Variants in SUCO observed in about 807,000 individuals in gnomAD.
SUCO encodes the protein SUN domain containing ossification factor.
Under a neutral mutation model 148.1 loss-of-function variants are expected in SUCO, and 57 were observed. The observed-to-expected ratio is 0.38, with a 90% CI of 0.31 to 0.48. The LOEUF is 0.48. Ranked by LOEUF, SUCO falls within the 20% of genes least tolerant of loss-of-function variation. The probability of loss-of-function intolerance (pLI) is 0.96; values close to 1 mark genes in which losing one functional copy is unlikely to be tolerated. For missense variants in SUCO, 1,331 were observed against 1,468.2 expected (o/e 0.91, Z 1.53); for synonymous variants, 470 against 502.7 (o/e 0.93, Z 0.87).
intron 17 of SUCO, among the ~76,000 whole-genome samples, chr1:172,587,324 G>A (rs550681163): frequency 4.6e-5 from 7 of 152,066 alleles, no homozygotes; most frequent in Non-Finnish European, 7.4e-5. Context: ...TTAAAGTTAC[G>A]GAAAGCCAAC....
chr1:172,563,278 G>A (rs1654317445), intron 6 of SUCO, among the ~76,000 whole-genome samples: 1 of 152,172 alleles, frequency 6.6e-6, no homozygotes, highest in African/African-American at 2.4e-5. Flanking sequence ...AGTTTGGAGG[G>A]CTCAGAAGAC....
chr1:172,584,311 A>C, intron 15 of SUCO: 1 of 721,380 alleles, frequency 1.4e-6, no homozygotes, highest in Non-Finnish European at 1.7e-6. Context: ...TTAAAATTTT[A>C]AACTGTAGAG....
rs923490257 is a variant in SUCO at position 172,542,940 on chromosome 1, A to G, written c.63-8572A>G. The G allele has an allele frequency of 8.1e-6, 8 of 985,308 alleles. No individual in the cohort carries two copies. The South Asian group carries it at 3.8e-4, about 46-fold the overall frequency. 61.0% of individuals were successfully genotyped at this position (985,308 alleles called of 1,614,324 possible). A position where few individuals can be genotyped will look rare whatever the true frequency, so the allele number is the denominator to read the frequency against. ...ACTTTTCAAAAGAGGGAAGTGATTG[A>G]TAGCTTTTGGGAGTGGAGAATAATA... On this transcript the variant is annotated intron_variant, in intron 1 of 23. Coordinates refer to ENST00000263688, the MANE Select transcript of SUCO (RefSeq NM_014283.5).
intron 19 of SUCO, among the ~76,000 whole-genome samples, chr1:172,599,033 T>TATTTC: frequency 6.6e-6 from 1 of 152,220 alleles, no homozygotes; most frequent in Admixed American, 6.5e-5. Context: ...GCTATGTAGA[T>TATTTC]ATTTCATATA....
chr1:172,559,033 A>C (rs940333033), intron 6 of SUCO, among the ~76,000 whole-genome samples: 9 of 152,206 alleles, frequency 5.9e-5, no homozygotes, highest in African/African-American at 2.2e-4. Context: ...CATTATGAGT[A>C]ATAGCCAATA....
chr1:172,590,900 A>G (rs1378830591), intron 18 of SUCO, 84 bp from the exon 19 acceptor site: 2 of 915,596 alleles, frequency 2.2e-6, no homozygotes, highest in African/African-American at 1.7e-5. Flanking sequence ...TTTGTCTCAT[A>G]TATCAAAATC....
intron 6 of SUCO, among the ~76,000 whole-genome samples, chr1:172,561,625 T>C (rs1314796843): frequency 1.3e-5 from 2 of 152,042 alleles, no homozygotes; most frequent in African/African-American, 2.4e-5. Context: ...AGGTGTTTCC[T>C]AGGAGGTTGG....
At position 172,591,052 on chromosome 1, in the gene SUCO, C is replaced by A; in HGVS notation, c.2894C>A (p.Ser965Ter). The change falls in exon 19 of 24, where the codon TCA (serine) becomes TAA (stop). Residue 965 changes from serine to a stop codon, truncating the protein, a stop_gained. Coordinates refer to ENST00000263688, the MANE Select transcript of SUCO (RefSeq NM_014283.5). LOFTEE classifies it high-confidence loss of function. ...NKTIVKLQNT[S>*]RIAEEQDQRQ... Reference sequence around the variant, plus strand: ...ACAATCGTGAAACTTCAGAATACTTCAAGAATAGCAGAGGAGCAGGTTGGT... The same window carrying A: ...ACAATCGTGAAACTTCAGAATACTTAAAGAATAGCAGAGGAGCAGGTTGGT... 1 of 1,611,384 alleles carries A rather than the reference C, an allele frequency of 6.2e-7. No homozygotes were observed. Among genetic ancestry groups the A allele is most frequent in the Non-Finnish European group, 8.5e-7 (1 of 1,178,752 alleles).
intron 6 of SUCO, among the ~76,000 whole-genome samples, chr1:172,558,002 T>C (rs1653874192): frequency 6.6e-6 from 1 of 152,220 alleles, no homozygotes; most frequent in South Asian, 2.1e-4. Context: ...TTGTTTCAAG[T>C]GTGAACTCTC....
At chr1:172,568,602 A>G (rs910251912) in intron 6 of SUCO, 8 of 216,396 alleles carry the variant, frequency 3.7e-5, no homozygotes, top group African/African-American at 1.6e-4. Flanking sequence ...TTTCTTTTTA[A>G]GGATATTGTG....
intron 10 of SUCO, 30 bp from the exon 11 acceptor site, chr1:172,575,488 A>T (rs964412604): frequency 1.3e-5 from 19 of 1,484,816 alleles, no homozygotes; most frequent in Non-Finnish European, 1.8e-5. Context: ...TATAATTTTT[A>T]AAAAAGAACA....
chr1:172,563,887 C>G lies in SUCO; in HGVS notation c.733-5132C>G, dbSNP rs142962220. On this transcript the variant is annotated intron_variant, in intron 6 of 23. Transcript: ENST00000263688. ...AAAAATGGTTGCGTGGGCCAGTCCCCGGGTCCTGCTGCTCTGTGCAGCCTC... is the reference window on the plus strand; with the variant it reads ...AAAAATGGTTGCGTGGGCCAGTCCCGGGGTCCTGCTGCTCTGTGCAGCCTC... Among the ~76,000 whole-genome samples, 408 of 152,338 alleles carry G rather than the reference C, an allele frequency of 2.7e-3. 1 individual carries two copies. The highest frequency in any genetic ancestry group is 0.01 in the Middle Eastern group (3 of 294).
chr1:172,563,119 C>T (rs1228603228), intron 6 of SUCO, among the ~76,000 whole-genome samples: 2 of 152,126 alleles, frequency 1.3e-5, no homozygotes, highest in South Asian at 2.1e-4. Flanking sequence ...CTCTTTTCTT[C>T]GTAAAACACC....
intron 6 of SUCO, among the ~76,000 whole-genome samples, chr1:172,567,771 T>G (rs1369283758): frequency 6.6e-6 from 1 of 152,240 alleles, no homozygotes; most frequent in African/African-American, 2.4e-5. Context: ...TTAATATTGT[T>G]AAATTTTAAA....
rs1654274851 is a variant in SUCO at position 172,562,807 on chromosome 1, T to C, written c.732+5013T>C. On this transcript the variant is annotated intron_variant, in intron 6 of 23. Coordinates refer to ENST00000263688, the MANE Select transcript of SUCO (RefSeq NM_014283.5). ...TTACTTGTCTGATATGGTTTAGCTC[T>C]GTGTCGCCACCCAAACCTCATGTTG... Among the ~76,000 whole-genome samples, 3 of 152,228 alleles carry C rather than the reference T, an allele frequency of 2.0e-5. No homozygotes were observed. In the South Asian group the frequency reaches 6.2e-4, roughly 32 times the overall value.
At chr1:172,538,563 C>T (rs964660087) in intron 1 of SUCO, among the ~76,000 whole-genome samples, 2 of 152,032 alleles carry the variant, frequency 1.3e-5, no homozygotes, top group Non-Finnish European at 2.9e-5. Flanking sequence ...GCTTCTGTCT[C>T]TAAACTTTCA....
intron 17 of SUCO, chr1:172,588,080 C>A: frequency 1.0e-6 from 1 of 985,012 alleles, no homozygotes; most frequent in South Asian, 4.7e-5. Context: ...AGGTATTTGG[C>A]TTAGAAGATT....
rs771992466 is a variant in SUCO, at chr1:172,600,111, C to G, written c.2961C>G (p.Thr987=). Residue 987 remains threonine (T), a synonymous_variant, in exon 20 of 24, where the codon ACC becomes ACG. Coordinates refer to ENST00000263688, the MANE Select transcript of SUCO (RefSeq NM_014283.5). The part of the protein sequence containing the change: ...EAIQLLQAQL[T]NMTQLVSNLS... Reference sequence around the variant, plus strand: ...TCCAGTTGCTACAGGCACAGCTGACCAACATGACACAGCTTGTTTCAAATT... The same window carrying G: ...TCCAGTTGCTACAGGCACAGCTGACGAACATGACACAGCTTGTTTCAAATT... 2.5e-6 allele frequency: 4 copies of G among 1,610,480 alleles called. No homozygotes were observed. Among genetic ancestry groups the G allele is most frequent in the Admixed American group, 3.4e-5 (2 of 58,730 alleles).
At chr1:172,537,945 C>A (rs975225339) in intron 1 of SUCO, among the ~76,000 whole-genome samples, 1 of 152,080 alleles carries the variant, frequency 6.6e-6, no homozygotes, top group Admixed American at 6.6e-5. Context: ...TCACAATGAG[C>A]GAATTTTGTT....
Sources: gnomAD v4.1 joint callset for allele counts (sites outside exome capture counted in the v4.1 genomes callset) on GRCh38, gnomAD v4.1.1 for gene constraint, MANE v1.5 for transcripts, NCBI Gene and HGNC (gene_info 2026-07-23, HGNC 2026-07-21) for gene names.